Variants in VTI1A observed in about 807,000 individuals in gnomAD.
The protein encoded by VTI1A is vesicle transport through interaction with t-SNAREs homolog 1A.
Under a neutral mutation model 34.9 loss-of-function variants are expected in VTI1A, and 22 were observed. The observed-to-expected ratio is 0.63, with a 90% CI of 0.45 to 0.90. The LOEUF is 0.90. Ranked by LOEUF, VTI1A falls within the 40% of genes least tolerant of loss-of-function variation. The pLI is 0.00. For synonymous variants in VTI1A, 87 were observed against 97.3 expected (o/e 0.89, Z 0.62); for missense variants, 268 against 275.6 (o/e 0.97, Z 0.20).
chr10:112,477,952 A>G (rs1848330136), intron 3 of VTI1A, among the ~76,000 whole-genome samples: 1 of 152,256 alleles, frequency 6.6e-6, no homozygotes. Flanking sequence ...AGTAAAGCTT[A>G]GGAGAAAATT....
At chr10:112,746,717 C>T (rs998386979) in intron 7 of VTI1A, among the ~76,000 whole-genome samples, 3 of 152,140 alleles carry the variant, frequency 2.0e-5, no homozygotes, top group Admixed American at 6.5e-5. Context: ...ACTTGGCTTC[C>T]CATTTTATAA....
intron 5 of VTI1A, among the ~76,000 whole-genome samples, chr10:112,562,543 T>C (rs917146896): frequency 6.6e-6 from 1 of 152,072 alleles, no homozygotes; most frequent in African/African-American, 2.4e-5. Flanking sequence ...TGTGTGTATA[T>C]ACACACACAT....
chr10:112,637,405 AC>A (rs1846395825), intron 5 of VTI1A, among the ~76,000 whole-genome samples: 2 of 152,226 alleles, frequency 1.3e-5, no homozygotes, highest in African/African-American at 4.8e-5. Context: ...GTGGTGGCTC[AC>A]GCCTGTAATC....
chr10:112,663,184 A>G (rs1458059672), intron 5 of VTI1A, among the ~76,000 whole-genome samples: 1 of 152,170 alleles, frequency 6.6e-6, no homozygotes, highest in African/African-American at 2.4e-5. Flanking sequence ...TTTAGAGTTC[A>G]TCTAGATTCC....
chr10:112,457,925 CA>C (rs1847594178), intron 1 of VTI1A, among the ~76,000 whole-genome samples: 1 of 152,130 alleles, frequency 6.6e-6, no homozygotes, highest in Non-Finnish European at 1.5e-5. Context: ...TAAATAAAAA[CA>C]GGACCTAAGA....
At chr10:112,744,511 C>T (rs1850818258) in intron 7 of VTI1A, among the ~76,000 whole-genome samples, 1 of 148,204 alleles carries the variant, frequency 6.7e-6, no homozygotes, top group Non-Finnish European at 1.5e-5. Flanking sequence ...CTGGCACAAC[C>T]ATGGCTCACT....
At chr10:112,528,588 A>G (rs934645937) in intron 4 of VTI1A, among the ~76,000 whole-genome samples, 1 of 152,178 alleles carries the variant, frequency 6.6e-6, no homozygotes, top group African/African-American at 2.4e-5. Flanking sequence ...TGAGGATGAG[A>G]GAAAAAATAT....
chr10:112,827,258 C>G, the VTI1A span: 1 of 152,060 alleles, frequency 6.6e-6, no homozygotes, highest in Non-Finnish European at 1.5e-5. Context: ...CGCGCTCCTT[C>G]CCCGAGGAAT....
intron 5 of VTI1A, among the ~76,000 whole-genome samples, chr10:112,587,477 A>G (rs780385805): frequency 1.3e-5 from 2 of 152,104 alleles, no homozygotes; most frequent in African/African-American, 4.8e-5. Flanking sequence ...AATTAAAAGG[A>G]CTCCTTTACA....
the VTI1A span, among the ~76,000 whole-genome samples, chr10:112,851,309 T>C: frequency 6.6e-6 from 1 of 152,198 alleles, no homozygotes; most frequent in African/African-American, 2.4e-5. Context: ...AACGTGTCTG[T>C]TGAGTAAACA....
At chr10:112,803,377 A>T (rs1057192108) in intron 7 of VTI1A, among the ~76,000 whole-genome samples, 1 of 152,168 alleles carries the variant, frequency 6.6e-6, no homozygotes, top group African/African-American at 2.4e-5. Context: ...CTCCTTCTTC[A>T]TTTTAGAGAG....
chr10:112,845,127 T>A, the VTI1A span, among the ~76,000 whole-genome samples: 1 of 152,226 alleles, frequency 6.6e-6, no homozygotes, highest in Non-Finnish European at 1.5e-5. Flanking sequence ...AGAGTTGGTG[T>A]GAGGCCTGGG....
intron 7 of VTI1A, among the ~76,000 whole-genome samples, chr10:112,702,813 T>A (rs999436721): frequency 1.3e-5 from 2 of 152,206 alleles, no homozygotes; most frequent in African/African-American, 4.8e-5. Flanking sequence ...GTTGAACTCC[T>A]AGGCTCAATG....
chr10:112,501,200 A>G (rs1849221329), intron 3 of VTI1A, among the ~76,000 whole-genome samples: 1 of 152,050 alleles, frequency 6.6e-6, no homozygotes, highest in African/African-American at 2.4e-5. Context: ...TGAATATAGA[A>G]CCCTATATCT....
intron 3 of VTI1A, among the ~76,000 whole-genome samples, chr10:112,494,132 A>C (rs1403150008): frequency 6.6e-6 from 1 of 152,062 alleles, no homozygotes; most frequent in African/African-American, 2.4e-5. Flanking sequence ...TAATTTTGTT[A>C]CTTCTTATAT....
chr10:112,682,158 G>A (rs1848237985), intron 7 of VTI1A, among the ~76,000 whole-genome samples: 1 of 152,136 alleles, frequency 6.6e-6, no homozygotes, highest in African/African-American at 2.4e-5. Context: ...GTTTTTATGT[G>A]CCTTGAAATT....
chr10:112,584,920 A>G lies in VTI1A; in HGVS notation c.427+46590A>G, dbSNP rs556245254. Among the ~76,000 whole-genome samples, 4 of 152,316 alleles carry G rather than the reference A, an allele frequency of 2.6e-5. No homozygotes were observed. In the South Asian group the frequency reaches 8.3e-4, roughly 32 times the overall value. Reference sequence around the variant, plus strand: ...TGTAGTCTTTTGAAGTAAAATAACCATGATGTATTTAGAATGTTATTTGAC... The same window carrying G: ...TGTAGTCTTTTGAAGTAAAATAACCGTGATGTATTTAGAATGTTATTTGAC... On this transcript the variant is annotated intron_variant, in intron 5 of 7. Coordinates refer to ENST00000393077, the MANE Select transcript of VTI1A (RefSeq NM_145206.4).
intron 5 of VTI1A, among the ~76,000 whole-genome samples, chr10:112,641,292 A>G (rs554211976): frequency 1.3e-5 from 2 of 152,000 alleles, no homozygotes; most frequent in Admixed American, 6.6e-5. Flanking sequence ...GTCCCACATT[A>G]CCTCCCTGCT....
rs150156541 is a variant in VTI1A, at chr10:112,668,995, G to A, written c.557G>A (p.Arg186Gln). ...TCCAGGATTCTGACAGGGATGTTGC[G>A]AAGGTAAGAGCAAGGTAGGGACATA... ...KSSRILTGML[R>Q]RIIQNRILLV... The change falls in exon 7 of 8, where the codon CGA (arginine) becomes CAA (glutamine). Residue 186 changes from arginine to glutamine, a missense_variant. Physicochemically the swap from Arg to Gln is conservative, Grantham distance 43. Coordinates refer to ENST00000393077, the MANE Select transcript of VTI1A (RefSeq NM_145206.4). The A allele has an allele frequency of 2.5e-5, 41 of 1,612,228 alleles. No homozygotes were observed. Among genetic ancestry groups the A allele is most frequent in the African/African-American group, 1.1e-4 (8 of 74,934 alleles).
Sources: allele counts gnomAD v4.1 joint callset (sites outside exome capture counted in the v4.1 genomes callset), GRCh38; gene constraint gnomAD v4.1.1; transcripts MANE v1.5; gene names NCBI Gene and HGNC (gene_info 2026-07-23, HGNC 2026-07-21).